Variants in ZDHHC14 observed in about 807,000 individuals in gnomAD.
ZDHHC14 encodes palmitoyltransferase ZDHHC14.
Under a neutral mutation model 47.7 loss-of-function variants are expected in ZDHHC14, and 16 were observed. The ratio of observed to expected loss-of-function variants is 0.34; its 90% CI spans 0.23 to 0.51. The LOEUF (loss-of-function observed/expected upper bound fraction) is 0.51. Among genes scored for constraint, ZDHHC14 ranks in the 20% least tolerant of loss-of-function variants. ZDHHC14 has a pLI of 0.97. For synonymous variants in ZDHHC14, 293 were observed against 278.9 expected, an observed-to-expected ratio of 1.05 and a Z score of -0.50; for missense variants, 515 against 662.5, an observed-to-expected ratio of 0.78 and a Z score of 2.44.
chr6:157,491,159 T>A (rs1779904058), intron 1 of ZDHHC14, among the ~76,000 whole-genome samples: 1 of 152,226 alleles, frequency 6.6e-6, no homozygotes, highest in East Asian at 1.9e-4. Context: ...TGTCCCCTCG[T>A]TCTGTGGGTC....
At chr6:157,530,033 T>C (rs1056884039) in intron 1 of ZDHHC14, among the ~76,000 whole-genome samples, 1 of 152,222 alleles carries the variant, frequency 6.6e-6, no homozygotes, top group Non-Finnish European at 1.5e-5. Context: ...TTATATGAAA[T>C]GTTATATGTG....
chr6:157,604,472 C>T (rs1784452714), intron 3 of ZDHHC14, among the ~76,000 whole-genome samples: 1 of 152,020 alleles, frequency 6.6e-6, no homozygotes, highest in African/African-American at 2.4e-5. Flanking sequence ...TTTACTAGAA[C>T]AATACAGCCT....
chr6:157,642,102 T>A (rs968582046), intron 5 of ZDHHC14, among the ~76,000 whole-genome samples: 1 of 152,140 alleles, frequency 6.6e-6, no homozygotes, highest in Non-Finnish European at 1.5e-5. Context: ...TAAAAAAATT[T>A]TAAAACACAA....
At chr6:157,504,427 C>T (rs1254281420) in intron 1 of ZDHHC14, among the ~76,000 whole-genome samples, 3 of 146,338 alleles carry the variant, frequency 2.1e-5, no homozygotes, top group African/African-American at 5.1e-5. Context: ...GGATTACAGG[C>T]GTGAGCCACC....
chr6:157,510,446 C>T (rs1255911206), intron 1 of ZDHHC14, among the ~76,000 whole-genome samples: 1 of 152,144 alleles, frequency 6.6e-6, no homozygotes, highest in Non-Finnish European at 1.5e-5. Flanking sequence ...TGAAGCCGTC[C>T]TGGTGTGGTC....
chr6:157,460,503 T>A (rs1779053504), intron 1 of ZDHHC14, among the ~76,000 whole-genome samples: 1 of 147,196 alleles, frequency 6.8e-6, no homozygotes, highest in African/African-American at 2.5e-5. Flanking sequence ...GATACCCACA[T>A]AGGTATTCTT....
intron 1 of ZDHHC14, among the ~76,000 whole-genome samples, chr6:157,469,724 G>A (rs1583675332): frequency 6.6e-6 from 1 of 152,192 alleles, no homozygotes; most frequent in East Asian, 1.9e-4. Flanking sequence ...GCTCTGATCT[G>A]GAAGTGACTC....
chr6:157,391,188 C>T (rs1777412474), intron 1 of ZDHHC14, among the ~76,000 whole-genome samples: 1 of 152,158 alleles, frequency 6.6e-6, no homozygotes, highest in African/African-American at 2.4e-5. Context: ...GCTTCACAGT[C>T]CAGGACCAGC....
chr6:157,637,841 A>T (rs1019634078), intron 5 of ZDHHC14, among the ~76,000 whole-genome samples: 13 of 152,344 alleles, frequency 8.5e-5, no homozygotes, highest in African/African-American at 3.1e-4. Context: ...CCAACTAAAA[A>T]CAATGTCATT....
intron 2 of ZDHHC14, 24 bp downstream of exon 2, chr6:157,542,769 G>C: frequency 6.2e-7 from 1 of 1,610,678 alleles, no homozygotes; most frequent in East Asian, 2.2e-5. Context: ...TCTGCCCATG[G>C]CCTCTGGTCA....
At chr6:157,587,132 A>G (rs1582981668) in intron 2 of ZDHHC14, among the ~76,000 whole-genome samples, 1 of 152,322 alleles carries the variant, frequency 6.6e-6, no homozygotes, top group Middle Eastern at 3.4e-3. Flanking sequence ...CAAATGTTTG[A>G]CTGAGTTCGT....
At chr6:157,629,370 GT>G (rs1377459665) in intron 4 of ZDHHC14, 1 of 152,198 alleles carries the variant, frequency 6.6e-6, no homozygotes, top group East Asian at 1.9e-4. Flanking sequence ...TCATTAGCAA[GT>G]CCGTAGCTTC....
intron 1 of ZDHHC14, among the ~76,000 whole-genome samples, chr6:157,466,603 C>T (rs1415095611): frequency 6.6e-6 from 1 of 152,080 alleles, no homozygotes; most frequent in Non-Finnish European, 1.5e-5. Flanking sequence ...TTTGGGTGAC[C>T]AAGGTGGGCG....
intron 1 of ZDHHC14, among the ~76,000 whole-genome samples, chr6:157,417,320 G>GC (rs749416165): frequency 1.3e-5 from 2 of 152,152 alleles, no homozygotes; most frequent in Non-Finnish European, 2.9e-5. Context: ...GTGGATAAAA[G>GC]CATGTGTGTA....
In ZDHHC14 at chr6:157,647,323, T is replaced by G; in HGVS notation, c.920T>G (p.Ile307Ser). ...ENYNPYSYGN[I>S]FTNCCVALCG... ...TACAATCCCTACAGCTACGGAAATA[T>G]CTTTACCAACTGCTGTGTTGCCCTG... Residue 307 changes from isoleucine to serine, a missense_variant, in exon 7 of 9, where the codon ATC becomes AGC. Transcript: ENST00000359775. The G allele has an allele frequency of 6.2e-7, 1 of 1,614,166 alleles. No individual in the cohort carries two copies. The highest frequency in any genetic ancestry group is 8.5e-7 in the Non-Finnish European group (1 of 1,180,018).
chr6:157,506,596 C>G (rs1780330451), intron 1 of ZDHHC14, among the ~76,000 whole-genome samples: 2 of 111,848 alleles, frequency 1.8e-5, no homozygotes, highest in African/African-American at 6.1e-5. Context: ...TTAGCAATGA[C>G]AAGCTAGAAT....
intron 1 of ZDHHC14, among the ~76,000 whole-genome samples, chr6:157,473,591 G>C (rs879438771): frequency 6.6e-6 from 1 of 151,940 alleles, no homozygotes; most frequent in Non-Finnish European, 1.5e-5. Flanking sequence ...TTCAGATTTT[G>C]GAATACTTAC....
intron 5 of ZDHHC14, among the ~76,000 whole-genome samples, chr6:157,639,925 CCTTT>C (rs71954671): frequency 0.042 from 6,395 of 152,240 alleles, 452 homozygotes; most frequent in African/African-American, 0.14. Flanking sequence ...ACCTGAAGGT[CCTTT>C]CTTTAGTTGC....
Position 157,381,883 on chromosome 6 carries a change from C to G in ZDHHC14, c.-139C>G, listed in dbSNP as rs1235299131. On this transcript the variant is annotated 5_prime_UTR_variant, in exon 1 of 9. Coordinates refer to ENST00000359775, the MANE Select transcript of ZDHHC14 (RefSeq NM_024630.3). The stretch of plus-strand genomic sequence containing the variant: ...TGGGTGTCCTCGGCAAAGTTGTCGC[C>G]GAGCCGGGAGCCCGTGTAGGGGCCG... 4.1e-6 allele frequency: 3 copies of G among 735,030 alleles called. No individual in the cohort carries two copies. In the African/African-American group the frequency reaches 5.8e-5, roughly 14 times the overall value. The allele number at this position is 735,030 out of a possible 1,614,324, so 45.5% of individuals were successfully genotyped here.
Sources: allele counts gnomAD v4.1 joint callset (sites outside exome capture counted in the v4.1 genomes callset), GRCh38; gene constraint gnomAD v4.1.1; transcripts MANE v1.5; gene names NCBI Gene and HGNC (gene_info 2026-07-23, HGNC 2026-07-21).